The following MCUB variants were observed in gnomAD, a reference collection of about 807,000 sequenced individuals.
MCUB encodes mitochondrial calcium uniporter dominant negative subunit beta.
Under a neutral mutation model 41.4 loss-of-function variants are expected in MCUB, and 46 were observed. The ratio of observed to expected loss-of-function variants is 1.11; its 90% confidence interval spans 0.88 to 1.42. The LOEUF is 1.42. Ranked by LOEUF, MCUB falls within the 40% of genes most tolerant of loss-of-function variation. The pLI, the probability that MCUB is intolerant of heterozygous loss-of-function variation, is 0.00. For synonymous variants in MCUB, 148 were observed against 148.2 expected (o/e 1.00, Z 0.01); for missense variants, 403 against 404.9 (o/e 1.00, Z 0.04).
intron 1 of MCUB, among the ~76,000 whole-genome samples, chr4:109,656,683 T>G: frequency 6.6e-6 from 1 of 152,122 alleles, no homozygotes; most frequent in East Asian, 1.9e-4. Context: ...CTCCCTACCT[T>G]CGTGTATTTG....
intron 4 of MCUB, among the ~76,000 whole-genome samples, chr4:109,665,096 C>T (rs2126145927): frequency 1.3e-5 from 2 of 152,300 alleles, no homozygotes; most frequent in South Asian, 4.1e-4. Context: ...TTGGTGAACA[C>T]ACTGACACAT....
At chr4:109,683,722 A>C (rs975275653) in intron 5 of MCUB, among the ~76,000 whole-genome samples, 2 of 152,214 alleles carry the variant, frequency 1.3e-5, no homozygotes, top group East Asian at 3.9e-4. Flanking sequence ...CTTGATGGGC[A>C]TATGGATTCT....
intron 3 of MCUB, among the ~76,000 whole-genome samples, chr4:109,661,271 T>C (rs893213850): frequency 6.6e-6 from 1 of 152,208 alleles, no homozygotes; most frequent in Non-Finnish European, 1.5e-5. Context: ...TCCCACTACA[T>C]AGCAGCTGCA....
At chr4:109,604,916 G>A (rs570703344) in intron 1 of MCUB, among the ~76,000 whole-genome samples, 1 of 152,046 alleles carries the variant, frequency 6.6e-6, no homozygotes, top group Admixed American at 6.6e-5. Context: ...TCTAGATTTG[G>A]TTTGCTAGCA....
chr4:109,560,884 C>G (rs1310202914), intron 1 of MCUB: 1 of 154,836 alleles, frequency 6.5e-6, no homozygotes, highest in African/African-American at 2.4e-5. Context: ...GGGCAGTGAC[C>G]GTCCCGGGTG....
chr4:109,603,480 C>G (rs1302335759), intron 1 of MCUB, among the ~76,000 whole-genome samples: 1 of 152,214 alleles, frequency 6.6e-6, no homozygotes, highest in East Asian at 1.9e-4. Flanking sequence ...CTTGGCCTCC[C>G]AAAGTGCTGA....
intron 1 of MCUB, among the ~76,000 whole-genome samples, chr4:109,602,732 A>G (rs1245707338): frequency 6.6e-6 from 1 of 152,066 alleles, no homozygotes; most frequent in Non-Finnish European, 1.5e-5. Context: ...TGTTTTTTCT[A>G]TTTCTGTGAA....
At chr4:109,675,436 C>A (rs755040410) in intron 4 of MCUB, among the ~76,000 whole-genome samples, 3 of 152,194 alleles carry the variant, frequency 2.0e-5, no homozygotes, top group Non-Finnish European at 4.4e-5. Flanking sequence ...AGAGTTGAAC[C>A]AACATTTGCA....
chr4:109,659,845 A>T (rs958474923), intron 2 of MCUB, among the ~76,000 whole-genome samples: 15 of 152,096 alleles, frequency 9.9e-5, no homozygotes, highest in Admixed American at 1.3e-4. Flanking sequence ...TTTTGTAGAG[A>T]TGGGGTTTCG....
rs540259981 is a variant in MCUB at position 109,652,134 on chromosome 4, C to A, written c.100-6877C>A. 2.6e-5 allele frequency among the ~76,000 whole-genome samples: 4 copies of A among 152,340 alleles called. No homozygotes were observed. In the South Asian group the frequency reaches 8.3e-4, roughly 32 times the overall value. On this transcript the variant is annotated intron_variant, in intron 1 of 7. Coordinates refer to ENST00000394650, the MANE Select transcript of MCUB (RefSeq NM_017918.5). ...GTGTACATGTCTGTCCAAATCACCACTTCTTGTAAAGACACCAGTTATGTC... is the reference window on the plus strand; with the variant it reads ...GTGTACATGTCTGTCCAAATCACCAATTCTTGTAAAGACACCAGTTATGTC...
At chr4:109,570,897 T>C (rs1726897872) in intron 1 of MCUB, among the ~76,000 whole-genome samples, 1 of 152,182 alleles carries the variant, frequency 6.6e-6, no homozygotes, top group South Asian at 2.1e-4. Context: ...GCCTTATAAC[T>C]AACCATGAGG....
At chr4:109,683,708 A>G (rs1264456755) in intron 5 of MCUB, among the ~76,000 whole-genome samples, 3 of 152,166 alleles carry the variant, frequency 2.0e-5, no homozygotes, top group East Asian at 1.9e-4. Flanking sequence ...CAGTTGTGTA[A>G]TATCTTGATG....
At chr4:109,648,112 T>C (rs1728877142) in intron 1 of MCUB, among the ~76,000 whole-genome samples, 1 of 152,236 alleles carries the variant, frequency 6.6e-6, no homozygotes, top group Admixed American at 6.5e-5. Context: ...TATTTCAATA[T>C]TTTTTCTAAC....
At chr4:109,657,039 G>A (rs1729119781) in intron 1 of MCUB, among the ~76,000 whole-genome samples, 1 of 152,072 alleles carries the variant, frequency 6.6e-6, no homozygotes, top group South Asian at 2.1e-4. Context: ...CCAACTTGGT[G>A]AAACCCCATC....
chr4:109,662,801 G>A (rs114515872), intron 3 of MCUB, among the ~76,000 whole-genome samples: 1,537 of 152,236 alleles, frequency 0.01, 21 homozygotes, highest in Non-Finnish European at 0.018. Context: ...AAGATAAAGC[G>A]ATTGGTGTGT....
At chr4:109,591,326 C>A (rs1374296847) in intron 1 of MCUB, among the ~76,000 whole-genome samples, 1 of 152,038 alleles carries the variant, frequency 6.6e-6, no homozygotes, top group Non-Finnish European at 1.5e-5. Context: ...GCTGGGACTA[C>A]AGGTGTGCGC....
intron 4 of MCUB, among the ~76,000 whole-genome samples, chr4:109,679,571 G>A (rs772288090): frequency 2.0e-5 from 3 of 152,318 alleles, no homozygotes; most frequent in East Asian, 1.9e-4. Context: ...GCAGCGAGCC[G>A]AGATCATGGC....
chr4:109,573,994 T>G (rs2126125221), intron 1 of MCUB, among the ~76,000 whole-genome samples: 1 of 147,710 alleles, frequency 6.8e-6, no homozygotes. Context: ...TGCCTCAGCC[T>G]CCCAAGAAGC....
At chr4:109,597,889 G>A (rs1450165972) in intron 1 of MCUB, among the ~76,000 whole-genome samples, 1 of 150,618 alleles carries the variant, frequency 6.6e-6, no homozygotes, top group African/African-American at 2.4e-5. Flanking sequence ...GGGGTGGCTG[G>A]GCAGAGACGC....
Sources: gnomAD v4.1 joint callset for allele counts (sites outside exome capture counted in the v4.1 genomes callset) on GRCh38, gnomAD v4.1.1 for gene constraint, MANE v1.5 for transcripts, NCBI Gene and HGNC (gene_info 2026-07-23, HGNC 2026-07-21) for gene names.